The following POU2F2 variants were observed in gnomAD, a reference collection of about 807,000 sequenced individuals.
POU2F2 encodes the protein POU domain, class 2, transcription factor 2.
POU2F2 carries 14 observed loss-of-function variants against 63.5 expected under a neutral mutation model. That is an observed-to-expected ratio of 0.22 (90% CI 0.15 to 0.34). The LOEUF (loss-of-function observed/expected upper bound fraction) is 0.34, where lower values mean the gene tolerates loss of function less well. POU2F2 is among the 10% of genes least tolerant of loss of function. The pLI, the probability that POU2F2 is intolerant of heterozygous loss-of-function variation, is 1.00. For missense variants in POU2F2, 607 were observed against 815.2 expected (o/e 0.74, Z 3.11); for synonymous variants, 306 against 348.6 (o/e 0.88, Z 1.36).
At chr19:42,194,758 CAAAAAAAAAAAAAAA>C (rs71167389) in intron 1 of POU2F2, among the ~76,000 whole-genome samples, 9 of 21,740 alleles carry the variant, frequency 4.1e-4, no homozygotes, top group African/African-American at 1.7e-3. Context: ...GACTCTGTCT[CAAAAAAAAAAAAAAA>C]AAAAAAAAAA....
At chr19:42,197,922 TC>T (rs1163123656), upstream of POU2F2, among the ~76,000 whole-genome samples, 1 of 152,096 alleles carries the variant, frequency 6.6e-6, no homozygotes, top group Non-Finnish European at 1.5e-5. Context: ...ACGCCTGTAA[TC>T]CCAGCGCTTT....
At chr19:42,188,747 GGGAAGGA>G (rs1315844310) in intron 1 of POU2F2, among the ~76,000 whole-genome samples, 1 of 144,616 alleles carries the variant, frequency 6.9e-6, no homozygotes, top group East Asian at 2.0e-4. Context: ...AAAGAAGGGA[GGGAAGGA>G]GGAAGGAAGG....
chr19:42,121,610 CAGGCTGG>C (rs1175380391), intron 4 of POU2F2, among the ~76,000 whole-genome samples: 1 of 152,172 alleles, frequency 6.6e-6, no homozygotes, highest in Non-Finnish European at 1.5e-5. Flanking sequence ...ACCCCTGGAC[CAGGCTGG>C]AGGGTGGAGA....
At position 42,138,372 on chromosome 19, in the gene POU2F2, AC is replaced by A. The variant is rs201449957; in HGVS notation, c.-8-15797del. On this transcript the variant is annotated intron_variant, in intron 2 of 6. Transcript: ENST00000524801. ...CTCAGGTAAGAAAGATCAGGGTAGG[AC>A]CTGAGGTCCTGAAGGATGAAAGGAA... Among the ~76,000 whole-genome samples, 845 of 152,156 alleles carry A rather than the reference AC, an allele frequency of 5.6e-3. 8 individuals are homozygous for A. The highest frequency in any genetic ancestry group is 6.0e-3 in the Admixed American group (91 of 15,282).
chr19:42,092,998 T>C lies in POU2F2; in HGVS notation c.1265-728A>G. ...TATTATGTGTGTGTGTATATATATATATATATATATATTTTTTTTTTTTTT... is the reference window on the plus strand; with the variant it reads ...TATTATGTGTGTGTGTATATATATACATATATATATATTTTTTTTTTTTTT... On this transcript the variant is annotated intron_variant, in intron 12 of 14. Transcript: ENST00000692977. The surrounding 1 kb of genome is among the most constrained non-coding windows in gnomAD (Gnocchi z 5.0). Among the ~76,000 whole-genome samples the C allele has an allele frequency of 2.2e-5, 2 of 92,138 alleles. 1 individual carries two copies. The highest frequency in any genetic ancestry group is 7.1e-4 in the South Asian group (2 of 2,810). The allele number at this position is 92,138 out of a possible 152,430, so 60.4% of individuals were successfully genotyped here. A position where few individuals can be genotyped will look rare whatever the true frequency, so the allele number is the denominator to read the frequency against.
chr19:42,182,574 A>G (rs1394797607), intron 1 of POU2F2, among the ~76,000 whole-genome samples: 1 of 152,196 alleles, frequency 6.6e-6, no homozygotes, highest in Non-Finnish European at 1.5e-5. Context: ...AATGAAATTT[A>G]GAGGTTGCCC....
chr19:42,193,036 C>T (rs548766772), intron 1 of POU2F2, among the ~76,000 whole-genome samples: 172 of 150,456 alleles, frequency 1.1e-3, no homozygotes, highest in Non-Finnish European at 2.1e-3. Flanking sequence ...CTGGCTAACA[C>T]GGTGAAATCC....
intron 1 of POU2F2, among the ~76,000 whole-genome samples, chr19:42,184,221 G>A (rs1415983850): frequency 6.6e-6 from 1 of 151,954 alleles, no homozygotes; most frequent in African/African-American, 2.4e-5. Flanking sequence ...TGAACTCCTC[G>A]GCTTAAGCGA....
intron 2 of POU2F2, among the ~76,000 whole-genome samples, chr19:42,146,737 T>C (rs539932947): frequency 1.3e-5 from 2 of 152,322 alleles, no homozygotes; most frequent in South Asian, 4.1e-4. Flanking sequence ...AGGGTTCACA[T>C]GGAGAACATT....
chr19:42,091,174 C>G lies in POU2F2; in HGVS notation c.*83G>C, dbSNP rs1328026840. 3.0e-6 allele frequency: 4 copies of G among 1,346,890 alleles called. No homozygotes were observed. Among genetic ancestry groups the G allele is most frequent in the Non-Finnish European group, 3.9e-6 (4 of 1,013,698 alleles). 83.4% of individuals were successfully genotyped at this position (1,346,890 alleles called of 1,614,324 possible). ...CCTGCTCTGAGGACCCTCTGCGTCC[C>G]CACCACTGGCCTCCTCGCCCTCTTC... On this transcript the variant is annotated 3_prime_UTR_variant, in exon 15 of 15. Coordinates refer to ENST00000692977, the MANE Select transcript of POU2F2 (RefSeq NM_001394376.1).
intron 1 of POU2F2, among the ~76,000 whole-genome samples, chr19:42,192,948 C>T (rs971535989): frequency 3.3e-5 from 5 of 151,902 alleles, no homozygotes; most frequent in East Asian, 1.9e-4. Context: ...AAGCCAGGCG[C>T]GGTGGCTCAC....
At chr19:42,113,827 GC>G (rs774119832) in intron 5 of POU2F2, among the ~76,000 whole-genome samples, 2 of 152,154 alleles carry the variant, frequency 1.3e-5, no homozygotes, top group Non-Finnish European at 2.9e-5. Context: ...ATGAGATGCG[GC>G]CCGGGAGAGA....
At chr19:42,098,750 AT>A (rs1213643425) in intron 7 of POU2F2, among the ~76,000 whole-genome samples, 1 of 152,216 alleles carries the variant, frequency 6.6e-6, no homozygotes, top group African/African-American at 2.4e-5. Context: ...GTTCACATAT[AT>A]TTTTTTAAAG....
Position 42,095,798 on chromosome 19 carries a change from G to A in POU2F2, c.861C>T (p.Leu287=), listed in dbSNP as rs763177824. ...CCAGCCTGGTCCCACCTGCATCGTT[G>A]AGCCACTTCTCCAGGAGGGGCTTGA... is the stretch of plus-strand genomic sequence containing the variant. ...CKLKPLLEKW[L]NDAETMSVDS... is the part of the protein sequence containing the mutation. The change falls in exon 9 of 15, where the codon CTC becomes CTT. Residue 287 remains leucine, a synonymous_variant. Transcript: ENST00000692977. This position sits in a 1 kb window ranked among gnomAD's most constrained non-coding sequence, Gnocchi z 7.1. 6.2e-7 allele frequency: 1 copy of A among 1,614,012 alleles called. No individual in the cohort carries two copies. The highest frequency in any genetic ancestry group is 8.5e-7 in the Non-Finnish European group (1 of 1,179,918).
At chr19:42,151,069 C>T (rs988730599) in intron 2 of POU2F2, among the ~76,000 whole-genome samples, 14 of 152,254 alleles carry the variant, frequency 9.2e-5, no homozygotes, top group Admixed American at 2.0e-4. Flanking sequence ...TACCTGGCCC[C>T]CTGCTCACTC....
At position 42,117,500 on chromosome 19, in the gene POU2F2, G is replaced by T. The variant is rs898355385; in HGVS notation, c.187-68C>A. On this transcript the variant is annotated intron_variant, in intron 4 of 14. Coordinates refer to ENST00000692977, the MANE Select transcript of POU2F2 (RefSeq NM_001394376.1). This position sits in a 1 kb window ranked among gnomAD's most constrained non-coding sequence, Gnocchi z 4.4. Reference sequence around the variant, plus strand: ...GGCTGGCACAGGAGGAGCAGACTGGGGTGTGGACATGAGGGTGCAGTCTGT... The same window carrying T: ...GGCTGGCACAGGAGGAGCAGACTGGTGTGTGGACATGAGGGTGCAGTCTGT... 1.1e-4 allele frequency: 77 copies of T among 704,910 alleles called. No homozygotes were observed. Among genetic ancestry groups the T allele is most frequent in the Non-Finnish European group, 1.7e-4 (72 of 412,486 alleles). The allele number at this position is 704,910 out of a possible 1,614,324, so 43.7% of individuals were successfully genotyped here.
Position 42,156,040 on chromosome 19 carries a change from C to T in POU2F2, c.-9+4292G>A, listed in dbSNP as rs971984448. The T allele has an allele frequency of 6.6e-6, 1 of 152,164 alleles. No homozygotes were observed. The highest frequency in any genetic ancestry group is 6.5e-5 in the Admixed American group (1 of 15,282). The allele number at this position is 152,164 out of a possible 1,614,324, so 9.4% of individuals were successfully genotyped here. A position where few individuals can be genotyped will look rare whatever the true frequency, so the allele number is the denominator to read the frequency against. On this transcript the variant is annotated intron_variant, in intron 2 of 6. Transcript: ENST00000524801. This position sits in a 1 kb window ranked among gnomAD's most constrained non-coding sequence, Gnocchi z 4.1. ...AAGCGCAGCTGAAAACACCCAGGGC[C>T]GTTCTCTGAGGCCTTCTCTCTGCCT...
chr19:42,134,036 G>A (rs1174870098), upstream of POU2F2, among the ~76,000 whole-genome samples: 1 of 152,166 alleles, frequency 6.6e-6, no homozygotes, highest in East Asian at 1.9e-4. Flanking sequence ...ATTTCACAGA[G>A]GAGATCCACA....
At chr19:42,098,447 T>C (rs1267938715) in intron 7 of POU2F2, among the ~76,000 whole-genome samples, 1 of 149,332 alleles carries the variant, frequency 6.7e-6, no homozygotes, top group African/African-American at 2.5e-5. Flanking sequence ...AAAGAAAGCC[T>C]ACATAGGATG....
Sources: allele counts gnomAD v4.1 joint callset (sites outside exome capture counted in the v4.1 genomes callset), GRCh38; gene constraint gnomAD v4.1.1; non-coding constraint Gnocchi (gnomAD v3.1); transcripts MANE v1.5; gene names NCBI Gene and HGNC (gene_info 2026-07-23, HGNC 2026-07-21).